Variants in RGR observed in about 807,000 individuals in gnomAD.
RGR encodes RPE-retinal G protein-coupled receptor.
In RGR, 30 loss-of-function variants were observed where a neutral mutation model predicts 28.6. That is an observed-to-expected ratio of 1.05 (90% CI 0.78 to 1.42). RGR has a LOEUF of 1.42. Among genes scored for constraint, RGR ranks in the 40% most tolerant of loss-of-function variants. The pLI is 0.00. For missense variants in RGR, 404 were observed against 375.6 expected, an observed-to-expected ratio of 1.08 and a Z score of -0.62; for synonymous variants, 180 against 156.4, an observed-to-expected ratio of 1.15 and a Z score of -1.13.
At position 84,245,245 on chromosome 10, in the gene RGR, C is replaced by T. The variant is rs563491339; in HGVS notation, c.79+76C>T. The T allele has an allele frequency of 3.2e-5, 48 of 1,478,844 alleles. No homozygotes were observed. In the East Asian group the frequency reaches 1.0e-3, roughly 32 times the overall value. The allele number at this position is 1,478,844 out of a possible 1,614,324, so 91.6% of individuals were successfully genotyped here. On this transcript the variant is annotated intron_variant, in intron 1 of 6. Transcript: ENST00000652092. ...ACCCAGGCCACCAGTGTGGAGCTGG[C>T]AAGGAGAGGAGAGGTCCCCAAACCC...
Position 84,247,914 on chromosome 10 carries a change from C to T in RGR, c.236+167C>T, listed in dbSNP as rs970501448. On this transcript the variant is annotated intron_variant, in intron 2 of 6. Transcript: ENST00000652092. ...TGAATTCCAGATTGATTCTGAAGAA[C>T]GACAGCTGATTTCTGGAAGACAGGG... 4.1e-5 allele frequency: 40 copies of T among 974,542 alleles called. No homozygotes were observed. In the East Asian group the frequency reaches 9.2e-4, roughly 22 times the overall value. 60.4% of individuals were successfully genotyped at this position (974,542 alleles called of 1,614,324 possible).
At position 84,253,900 on chromosome 10, in the gene RGR, C is replaced by G. The variant is rs80318838; in HGVS notation, c.513-426C>G. ...CTCCCCATGACCACTACCTGGGAACCCAAGCTCTTCTGTGGTGCCTTCAAC... is the reference window on the plus strand; with the variant it reads ...CTCCCCATGACCACTACCTGGGAACGCAAGCTCTTCTGTGGTGCCTTCAAC... On this transcript the variant is annotated intron_variant, in intron 4 of 6. Coordinates refer to ENST00000652092, the MANE Select transcript of RGR (RefSeq NM_001012720.2). Among the ~76,000 whole-genome samples the G allele has an allele frequency of 6.2e-4, 95 of 152,288 alleles. 4 individuals carry two copies. In the East Asian group the frequency reaches 0.016, roughly 26 times the overall value.
intron 4 of RGR, 121 bp downstream of exon 4, chr10:84,253,131 C>A: frequency 8.5e-7 from 1 of 1,170,324 alleles, no homozygotes; most frequent in Non-Finnish European, 1.2e-6. Flanking sequence ...GCCAGACAAT[C>A]TCAACTTCTT....
Position 84,254,381 on chromosome 10 carries a change from T to C in RGR, c.568T>C (p.Phe190Leu). The part of the protein sequence containing the change: ...MSFFNFAMPL[F>L]ITITSYSLME... ...CTTCTTCAACTTCGCCATGCCCCTC[T>C]TCATCACGATCACTTCCTACAGTCT... The change falls in exon 5 of 7, where the codon TTC (phenylalanine) becomes CTC (leucine). Residue 190 changes from phenylalanine to leucine, a missense_variant. Coordinates refer to ENST00000652092, the MANE Select transcript of RGR (RefSeq NM_001012720.2). The C allele has an allele frequency of 6.2e-7, 1 of 1,614,174 alleles. No individual in the cohort carries two copies. The highest frequency in any genetic ancestry group is 8.5e-7 in the Non-Finnish European group (1 of 1,180,032).
At chr10:84,253,609 C>G (rs943546206) in intron 4 of RGR, among the ~76,000 whole-genome samples, 1 of 152,204 alleles carries the variant, frequency 6.6e-6, no homozygotes, top group Non-Finnish European at 1.5e-5. Flanking sequence ...TGGGCTCCAG[C>G]CCCTCTTGCT....
At chr10:84,247,802 C>A in intron 2 of RGR, 55 bp downstream of exon 2, 3 of 1,612,318 alleles carry the variant, frequency 1.9e-6, no homozygotes, top group African/African-American at 1.3e-5. Context: ...GGGCCTGACC[C>A]CTGGGCCCTG....
intron 2 of RGR, 194 bp from the exon 3 acceptor site, chr10:84,248,728 G>C: frequency 1.1e-6 from 1 of 877,360 alleles, no homozygotes; most frequent in African/African-American, 1.6e-5. Flanking sequence ...CCAGCCTGGA[G>C]AGTGTGCATT....
At chr10:84,249,544 C>T (rs1194998910) in intron 3 of RGR, among the ~76,000 whole-genome samples, 1 of 152,174 alleles carries the variant, frequency 6.6e-6, no homozygotes, top group Non-Finnish European at 1.5e-5. Context: ...AACTCCTGAC[C>T]TCGTGATCTA....
At chr10:84,248,143 T>C in intron 2 of RGR, 2 of 881,776 alleles carry the variant, frequency 2.3e-6, no homozygotes, top group African/African-American at 3.5e-5. Context: ...TAATGCTTGA[T>C]ACCTAGGACT....
At chr10:84,246,971 G>C (rs957732738) in intron 1 of RGR, among the ~76,000 whole-genome samples, 1 of 152,182 alleles carries the variant, frequency 6.6e-6, no homozygotes, top group Non-Finnish European at 1.5e-5. Context: ...TGTCCTGCAG[G>C]TAAGTGCTTC....
intron 5 of RGR, among the ~76,000 whole-genome samples, chr10:84,257,330 C>T (rs1274753875): frequency 2.0e-5 from 3 of 152,194 alleles, no homozygotes. Context: ...GTGGTCTCGC[C>T]GGGTGGCTGT....
chr10:84,250,434 C>T (rs1842801506), intron 3 of RGR: 2 of 716,788 alleles, frequency 2.8e-6, no homozygotes. Context: ...ATAGGTTAGC[C>T]CTCTTGTCCA....
intron 6 of RGR, 62 bp from the exon 7 acceptor site, chr10:84,258,446 T>G (rs1589337619): frequency 8.1e-6 from 13 of 1,612,584 alleles, no homozygotes; most frequent in African/African-American, 4.0e-5. Context: ...GGTCACCAGG[T>G]GAGACCAGAG....
rs780231448 is a variant in RGR, at chr10:84,249,013, G to A, written c.328G>A (p.Ala110Thr). 14 of 1,613,856 alleles carry A rather than the reference G, an allele frequency of 8.7e-6. No homozygotes were observed. The highest frequency in any genetic ancestry group is 6.6e-5 in the South Asian group (6 of 91,070). Residue 110 changes from alanine to threonine, a missense_variant, in exon 3 of 7, where the codon GCA becomes ACA. Coordinates refer to ENST00000652092, the MANE Select transcript of RGR (RefSeq NM_001012720.2). ...CAGCATCTGCAGCAGTGCAGCCATC[G>A]CATGGGGGCGTTATCACCACTACTG... ...LASICSSAAI[A>T]WGRYHHYCTR...
chr10:84,255,794 G>A (rs1176903353), intron 5 of RGR, among the ~76,000 whole-genome samples: 2 of 144,462 alleles, frequency 1.4e-5, no homozygotes, highest in East Asian at 2.0e-4. Context: ...GTGTGATGTC[G>A]GCTCACCGCA....
intron 2 of RGR, 54 bp downstream of exon 2, chr10:84,247,801 C>T (rs1842766711): frequency 6.2e-7 from 1 of 1,612,204 alleles, no homozygotes; most frequent in Non-Finnish European, 8.5e-7. Flanking sequence ...GGGGCCTGAC[C>T]CCTGGGCCCT....
chr10:84,245,481 C>T (rs558873571), intron 1 of RGR, among the ~76,000 whole-genome samples: 2 of 152,200 alleles, frequency 1.3e-5, no homozygotes, highest in South Asian at 2.1e-4. Flanking sequence ...TCCCTCCAGC[C>T]GGGAGAAAAT....
chr10:84,256,354 G>GA (rs1449797754), intron 5 of RGR, among the ~76,000 whole-genome samples: 2 of 152,024 alleles, frequency 1.3e-5, no homozygotes, highest in Non-Finnish European at 2.9e-5. Context: ...GTGCCGGCCA[G>GA]AAGGAGGTTT....
At chr10:84,246,290 C>A (rs1842745400) in intron 1 of RGR, among the ~76,000 whole-genome samples, 1 of 152,132 alleles carries the variant, frequency 6.6e-6, no homozygotes, top group Non-Finnish European at 1.5e-5. Context: ...AGATGAATTA[C>A]ATCGTGGCAA....
Sources: allele counts gnomAD v4.1 joint callset (sites outside exome capture counted in the v4.1 genomes callset), GRCh38; gene constraint gnomAD v4.1.1; transcripts MANE v1.5; gene names NCBI Gene and HGNC (gene_info 2026-07-23, HGNC 2026-07-21).